The following GPHN variants were observed in gnomAD, a reference collection of about 807,000 sequenced individuals.
The protein encoded by GPHN is gephyrin.
Under a neutral mutation model 95.5 loss-of-function variants are expected in GPHN, and 17 were observed. The observed-to-expected ratio is 0.18, with a 90% confidence interval of 0.12 to 0.27. GPHN has a LOEUF of 0.27. GPHN is among the 10% of genes least tolerant of loss of function. The pLI is 1.00. For missense variants in GPHN, 660 were observed against 978.1 expected (o/e 0.67, Z 4.34); for synonymous variants, 320 against 322.5 (o/e 0.99, Z 0.08).
chr14:66,887,849 G>A (rs945024079), intron 5 of GPHN, among the ~76,000 whole-genome samples: 4 of 152,180 alleles, frequency 2.6e-5, no homozygotes, highest in African/African-American at 9.7e-5. Context: ...GTGCTCCAAT[G>A]GATGAAACAG....
chr14:67,087,604 C>T (rs959141330), intron 11 of GPHN, among the ~76,000 whole-genome samples: 2 of 152,010 alleles, frequency 1.3e-5, no homozygotes, highest in Non-Finnish European at 2.9e-5. Context: ...AGGGAAGAGT[C>T]AATATCACTA....
the GPHN span, among the ~76,000 whole-genome samples, chr14:67,667,452 T>C: frequency 1.3e-5 from 2 of 152,174 alleles, no homozygotes; most frequent in Non-Finnish European, 2.9e-5. Flanking sequence ...ACCAACCTGT[T>C]TCCTCATCTG....
intron 1 of GPHN, among the ~76,000 whole-genome samples, chr14:66,675,576 T>C (rs2066540474): frequency 1.3e-5 from 2 of 152,230 alleles, no homozygotes; most frequent in African/African-American, 4.8e-5. Context: ...TTCTTTACTC[T>C]GTTGATCTTC....
At chr14:67,086,781 G>A (rs968339411) in intron 11 of GPHN, among the ~76,000 whole-genome samples, 1 of 151,716 alleles carries the variant, frequency 6.6e-6, no homozygotes, top group African/African-American at 2.4e-5. Context: ...GCTCACGCCT[G>A]TAATCTCAGC....
chr14:67,662,901 TCA>T, the GPHN span: 1 of 652,286 alleles, frequency 1.5e-6, no homozygotes, highest in Non-Finnish European at 1.8e-6. Flanking sequence ...AGACTCTGTC[TCA>T]AAAAAAAAAA....
chr14:67,729,959 T>A, the GPHN span: 1 of 378,948 alleles, frequency 2.6e-6, no homozygotes, highest in Non-Finnish European at 5.1e-6. Context: ...GTCTGCTCTG[T>A]TGTCCCGCTT....
chr14:67,120,896 G>A (rs1215788051), intron 16 of GPHN, among the ~76,000 whole-genome samples: 1 of 152,170 alleles, frequency 6.6e-6, no homozygotes, highest in African/African-American at 2.4e-5. Context: ...CACTGAATAA[G>A]ATGGTCACAG....
intron 4 of GPHN, among the ~76,000 whole-genome samples, chr14:66,869,638 A>G (rs2063354898): frequency 6.6e-6 from 1 of 152,156 alleles, no homozygotes; most frequent in Non-Finnish European, 1.5e-5. Context: ...CTTTGCAGGT[A>G]GTTTCTGGAT....
the GPHN span, among the ~76,000 whole-genome samples, chr14:67,544,074 C>T: frequency 3.9e-5 from 6 of 152,140 alleles, no homozygotes; most frequent in East Asian, 1.2e-3. Flanking sequence ...TGCATCAAGT[C>T]AGGACTATTA....
At chr14:67,005,850 A>G (rs1437811295) in intron 9 of GPHN, among the ~76,000 whole-genome samples, 1 of 151,834 alleles carries the variant, frequency 6.6e-6, no homozygotes, top group Non-Finnish European at 1.5e-5. Flanking sequence ...ATTTTATTTT[A>G]CAATAAAACA....
intron 18 of GPHN, among the ~76,000 whole-genome samples, chr14:67,155,227 G>T (rs898650388): frequency 6.6e-6 from 1 of 152,166 alleles, no homozygotes; most frequent in Non-Finnish European, 1.5e-5. Flanking sequence ...CCTTCACACG[G>T]ACTGAAATTC....
rs1010077979 is a variant in GPHN at position 67,180,671 on chromosome 14, T to G, written c.2177-133T>G. On this transcript the variant is annotated intron_variant, in intron 22 of 22. Transcript: ENST00000478722. ...TAGCATGGCCACCTGAAAAAGGTAC[T>G]GGAAAGTTTGATCATCCCTTCTCCT... 5 of 797,024 alleles carry G rather than the reference T, an allele frequency of 6.3e-6. No individual in the cohort carries two copies. In the Admixed American group the frequency reaches 1.0e-4, roughly 16 times the overall value. The allele number at this position is 797,024 out of a possible 1,614,324, so 49.4% of individuals were successfully genotyped here.
At chr14:67,008,257 G>T (rs182299660) in intron 9 of GPHN, among the ~76,000 whole-genome samples, 110 of 151,990 alleles carry the variant, frequency 7.2e-4, no homozygotes, top group Non-Finnish European at 1.3e-3. Flanking sequence ...TTCAAGACCA[G>T]CCTGACCAAC....
rs750557914 is a variant in GPHN, at chr14:66,636,272, G to T, written c.65-44835G>T. Among the ~76,000 whole-genome samples the T allele has an allele frequency of 9.4e-4, 143 of 151,972 alleles. 1 individual carries two copies. The highest frequency in any genetic ancestry group is 3.1e-3 in the Admixed American group (47 of 15,256). On this transcript the variant is annotated intron_variant, in intron 1 of 22. Coordinates refer to ENST00000478722, the MANE Select transcript of GPHN (RefSeq NM_020806.5). Reference sequence around the variant, plus strand: ...TAGCTGCCAGTAAGAAGCCTGCCATGATTTTTTTATGTCTTTGGATTCCCC... The same window carrying T: ...TAGCTGCCAGTAAGAAGCCTGCCATTATTTTTTTATGTCTTTGGATTCCCC...
chr14:67,336,641 T>G, the GPHN span: 1 of 443,120 alleles, frequency 2.3e-6, no homozygotes. Flanking sequence ...TTAAATCAAA[T>G]CATACTTGAC....
the GPHN span, among the ~76,000 whole-genome samples, chr14:67,251,942 G>T: frequency 3.3e-5 from 5 of 152,160 alleles, no homozygotes; most frequent in African/African-American, 1.2e-4. Flanking sequence ...ATTTAATCAT[G>T]CCCATCTAAT....
the GPHN span, among the ~76,000 whole-genome samples, chr14:67,656,872 T>A: frequency 6.6e-6 from 1 of 152,288 alleles, no homozygotes; most frequent in East Asian, 1.9e-4. Context: ...TTCCCTGTGT[T>A]TGTAATGAAT....
chr14:66,521,765 G>A (rs1411254874), intron 1 of GPHN, among the ~76,000 whole-genome samples: 1 of 152,100 alleles, frequency 6.6e-6, no homozygotes, highest in African/African-American at 2.4e-5. Flanking sequence ...ACAGGGTGGG[G>A]TGGGATAGGG....
At chr14:67,206,197 A>G in the GPHN span, among the ~76,000 whole-genome samples, 1 of 151,926 alleles carries the variant, frequency 6.6e-6, no homozygotes, top group Admixed American at 6.6e-5. Context: ...ACACAAAACA[A>G]AAGAAAAGAA....
Sources: allele counts gnomAD v4.1 joint callset (sites outside exome capture counted in the v4.1 genomes callset), GRCh38; gene constraint gnomAD v4.1.1; transcripts MANE v1.5; gene names NCBI Gene and HGNC (gene_info 2026-07-23, HGNC 2026-07-21).